ITFG2: variants seen among roughly 807,000 people sequenced by gnomAD.
ITFG2 encodes the protein KICSTOR complex protein ITFG2.
A neutral mutation model predicts 54.4 loss-of-function variants in ITFG2; 36 were observed. That is an observed-to-expected ratio of 0.66 (90% CI 0.51 to 0.87). The LOEUF (loss-of-function observed/expected upper bound fraction) is 0.87. Ranked by LOEUF, ITFG2 falls within the 40% of genes least tolerant of loss-of-function variation. The pLI is 0.00. For missense variants in ITFG2, 524 were observed against 576.7 expected, an observed-to-expected ratio of 0.91 and a Z score of 0.94; for synonymous variants, 211 against 225.4, an observed-to-expected ratio of 0.94 and a Z score of 0.57.
At position 2,843,716 on chromosome 12, in the gene ITFG2, G is replaced by A. The variant is rs1378825628; in HGVS notation, n.300+2721G>A. Among the ~76,000 whole-genome samples, 4 of 151,964 alleles carry A rather than the reference G, an allele frequency of 2.6e-5. No homozygotes were observed. The East Asian group carries it at 7.8e-4, about 30-fold the overall frequency. ...TAGTCCCAGCTACTCAGGAAGCTGA[G>A]GCAGAAGAATCACTTGAACCCGGGA... On this transcript the variant is annotated intron_variant and non_coding_transcript_variant, in intron 2 of 3. Coordinates refer to the ITFG2 transcript ENST00000537710.
chr12:2,830,489 G>T (rs2097995864), intron 2 of ITFG2: 1 of 495,724 alleles, frequency 2.0e-6, no homozygotes, highest in African/African-American at 2.0e-5. Flanking sequence ...CCAAGGAAGG[G>T]GGGCAGAGTA....
intron 2 of ITFG2, among the ~76,000 whole-genome samples, chr12:2,846,499 G>A (rs2098053732): frequency 6.6e-6 from 1 of 152,064 alleles, no homozygotes; most frequent in Non-Finnish European, 1.5e-5. Flanking sequence ...CTCGCCAGGA[G>A]GCTGCCTGGC....
intron 2 of ITFG2, among the ~76,000 whole-genome samples, chr12:2,852,100 G>T (rs11611393): frequency 0.14 from 21,276 of 152,084 alleles, 1,610 homozygotes; most frequent in South Asian, 0.29. Context: ...TGGTATATGT[G>T]GTCTGTCACT....
chr12:2,837,210 G>T (rs2098030258), intron 1 of ITFG2, among the ~76,000 whole-genome samples: 1 of 152,110 alleles, frequency 6.6e-6, no homozygotes, highest in Non-Finnish European at 1.5e-5. Flanking sequence ...GGGCGCGGTG[G>T]CTCACGCCTG....
rs1045279305 is a variant in ITFG2, at chr12:2,840,420, C to T, written n.147-422C>T. The stretch of plus-strand genomic sequence containing the variant: ...GAAGTGAGCCGAGATCACGTCACTG[C>T]ACCCCAGCCTGGGAGACAGAGCGAG... On this transcript the variant is annotated intron_variant and non_coding_transcript_variant, in intron 1 of 3. Coordinates refer to the ITFG2 transcript ENST00000537710. Among the ~76,000 whole-genome samples, 7 of 149,926 alleles carry T rather than the reference C, an allele frequency of 4.7e-5. 1 individual carries two copies. The highest frequency in any genetic ancestry group is 1.5e-4 in the African/African-American group (6 of 40,466).
chr12:2,832,277 A>G (rs1040508354), upstream of ITFG2, among the ~76,000 whole-genome samples: 8 of 152,008 alleles, frequency 5.3e-5, no homozygotes, highest in African/African-American at 1.5e-4. Context: ...CATTGCTTTC[A>G]TGATAGAGCT....
intron 1 of ITFG2, among the ~76,000 whole-genome samples, chr12:2,814,691 G>A (rs914784606): frequency 1.4e-5 from 2 of 142,762 alleles, no homozygotes; most frequent in Admixed American, 7.0e-5. Flanking sequence ...AATTAGCCAG[G>A]TGTGGTGGTG....
chr12:2,837,806 G>T (rs2098032257), intron 1 of ITFG2, among the ~76,000 whole-genome samples: 1 of 152,184 alleles, frequency 6.6e-6, no homozygotes, highest in Non-Finnish European at 1.5e-5. Context: ...TCCAACCTGG[G>T]TGACAGAGCG....
Position 2,818,933 on chromosome 12 carries a change from G to T in ITFG2, c.406+656G>T, listed in dbSNP as rs139752644. Among the ~76,000 whole-genome samples, 12 of 151,934 alleles carry T rather than the reference G, an allele frequency of 7.9e-5. No homozygotes were observed. The East Asian group carries it at 2.1e-3, about 27-fold the overall frequency. On this transcript the variant is annotated intron_variant, in intron 4 of 11. Coordinates refer to ENST00000228799, the MANE Select transcript of ITFG2 (RefSeq NM_018463.4). Reference sequence around the variant, plus strand: ...CTCAGGAGACTGAGGCAGGAGAATCGCTTGAACCCGGGAGACGGATGTTGC... The same window carrying T: ...CTCAGGAGACTGAGGCAGGAGAATCTCTTGAACCCGGGAGACGGATGTTGC...
chr12:2,827,901 G>C, downstream of ITFG2: 2 of 1,613,622 alleles, frequency 1.2e-6, no homozygotes, highest in Non-Finnish European at 1.7e-6. This position sits in a 1 kb window ranked among gnomAD's most constrained non-coding sequence, Gnocchi z 4.0. Context: ...TGAGCACCAG[G>C]GCTGTTGCAG....
downstream of ITFG2, chr12:2,827,377 C>G: frequency 1.3e-6 from 2 of 1,540,576 alleles, no homozygotes; most frequent in Non-Finnish European, 1.7e-6. The surrounding 1 kb of genome is among the most constrained non-coding windows in gnomAD (Gnocchi z 4.0). Flanking sequence ...TGTTCCCCCT[C>G]CCACTTCCCA....
chr12:2,841,037 A>G (rs952866231), intron 2 of ITFG2: 5 of 152,748 alleles, frequency 3.3e-5, no homozygotes, highest in South Asian at 2.1e-4. Flanking sequence ...TATGTCCCCA[A>G]ACCCGCCTGG....
chr12:2,855,512 G>C, intron 2 of ITFG2: 1 of 1,259,786 alleles, frequency 7.9e-7, no homozygotes, highest in Non-Finnish European at 1.0e-6. Flanking sequence ...GGTGGGTGAG[G>C]CACTCCGCTC....
intron 10 of ITFG2, 133 bp downstream of exon 10, chr12:2,823,044 AG>A: frequency 1.4e-6 from 1 of 690,974 alleles, no homozygotes; most frequent in South Asian, 1.8e-5. Flanking sequence ...TTCACCAGTG[AG>A]TTCTTCAGCT....
At chr12:2,834,709 A>G (rs1252996062), upstream of ITFG2, 1 of 1,614,012 alleles carries the variant, frequency 6.2e-7, no homozygotes, top group East Asian at 2.2e-5. Context: ...GTCCTTGTGC[A>G]GGAACTGGGT....
chr12:2,824,314 G>C lies in ITFG2; in HGVS notation c.*121G>C. 1.9e-6 allele frequency: 2 copies of C among 1,058,382 alleles called. No individual in the cohort carries two copies. The highest frequency in any genetic ancestry group is 2.6e-5 in the South Asian group (2 of 75,630). The allele number at this position is 1,058,382 out of a possible 1,614,324, so 65.6% of individuals were successfully genotyped here. On this transcript the variant is annotated 3_prime_UTR_variant, in exon 12 of 12. Transcript: ENST00000228799. Reference sequence around the variant, plus strand: ...ACAGAAATGCAGGATTTGACTCTGGGCATGAAAGATGGCAGCAGCCCTAGG... The same window carrying C: ...ACAGAAATGCAGGATTTGACTCTGGCCATGAAAGATGGCAGCAGCCCTAGG...
At chr12:2,851,220 C>T (rs1213058119) in intron 2 of ITFG2, among the ~76,000 whole-genome samples, 3 of 151,754 alleles carry the variant, frequency 2.0e-5, no homozygotes, top group African/African-American at 7.3e-5. Flanking sequence ...ATGGAGTTTG[C>T]AAGACTGGAA....
chr12:2,832,053 C>A (rs1486108649), upstream of ITFG2, among the ~76,000 whole-genome samples: 1 of 152,128 alleles, frequency 6.6e-6, no homozygotes, highest in African/African-American at 2.4e-5. Flanking sequence ...AACCTTGCTA[C>A]TCCAAAATGT....
rs1031836154 is a variant in ITFG2, at chr12:2,845,430, C to T, written n.300+4435C>T. 1.3e-5 allele frequency among the ~76,000 whole-genome samples: 2 copies of T among 152,148 alleles called. No individual in the cohort carries two copies. The highest frequency in any genetic ancestry group is 4.8e-5 in the African/African-American group (2 of 41,430). ...TCCCCACAGCTTCCCGACTCCCTGG[C>T]CCCAGCCATTCCTCAAGCTCCCAGC... On this transcript the variant is annotated intron_variant and non_coding_transcript_variant, in intron 2 of 3. Transcript: ENST00000537710. The surrounding 1 kb of genome is among the most constrained non-coding windows in gnomAD (Gnocchi z 4.2).
Sources: gnomAD v4.1 joint callset for allele counts (sites outside exome capture counted in the v4.1 genomes callset) on GRCh38, gnomAD v4.1.1 for gene constraint, Gnocchi (gnomAD v3.1) non-coding constraint, MANE v1.5 for transcripts, NCBI Gene and HGNC (gene_info 2026-07-23, HGNC 2026-07-21) for gene names.